The following SLC5A10 variants were observed in gnomAD, a reference collection of about 807,000 sequenced individuals.
SLC5A10 encodes the protein solute carrier family 5 member 10, also known as sodium/mannose cotransporter SLC5A10.
A neutral mutation model predicts 68.9 loss-of-function variants in SLC5A10; 55 were observed. That is an observed-to-expected ratio of 0.80 (90% CI 0.64 to 1.00). The LOEUF is 1.00. Among genes scored for constraint, SLC5A10 ranks in the 50% least tolerant of loss-of-function variants. The pLI is 0.00. For synonymous variants in SLC5A10, 344 were observed against 344.8 expected (o/e 1.00, Z 0.02); for missense variants, 732 against 819.3 (o/e 0.89, Z 1.30).
chr17:18,953,863 T>C (rs1157358333), intron 1 of SLC5A10: 1 of 152,526 alleles, frequency 6.6e-6, no homozygotes, highest in African/African-American at 2.4e-5. Flanking sequence ...TCTCCAAATC[T>C]GAAAGAGTCC....
chr17:18,966,361 C>G (rs1397161225), intron 5 of SLC5A10, among the ~76,000 whole-genome samples: 1 of 152,160 alleles, frequency 6.6e-6, no homozygotes, highest in Non-Finnish European at 1.5e-5. Flanking sequence ...CTCGGGGATG[C>G]TGTTCCCTGG....
At chr17:18,987,909 A>G (rs2043310915) in intron 9 of SLC5A10, among the ~76,000 whole-genome samples, 1 of 152,242 alleles carries the variant, frequency 6.6e-6, no homozygotes, top group Non-Finnish European at 1.5e-5. Context: ...CAGTGAGCAC[A>G]CTATCACCAG....
chr17:19,006,236 T>A (rs2043886092), intron 9 of SLC5A10, among the ~76,000 whole-genome samples: 2 of 152,160 alleles, frequency 1.3e-5, no homozygotes, highest in Non-Finnish European at 2.9e-5. Flanking sequence ...ACCAGTTTTT[T>A]GTTTGTTTTG....
intron 9 of SLC5A10, chr17:18,978,460 C>T (rs1288913823): frequency 6.2e-7 from 1 of 1,608,684 alleles, no homozygotes; most frequent in African/African-American, 1.3e-5. Flanking sequence ...TGGCCCTCTC[C>T]AGGTGAAGCA....
chr17:18,951,801 G>A (rs577337834), upstream of SLC5A10: 408 of 178,034 alleles, frequency 2.3e-3, no homozygotes, highest in Non-Finnish European at 2.6e-3. Flanking sequence ...AGGTGAGGCG[G>A]TTGTCCCTAC....
rs2044160170 is a variant in SLC5A10, at chr17:19,017,305, C to T, written c.1241+2106C>T. ...ACAGCACTGGGATACCCTCAACACC[C>T]CCAGCCCCTCAAAGCCGTCTCAGCT... On this transcript the variant is annotated intron_variant, in intron 11 of 14. Coordinates refer to ENST00000395645, the MANE Select transcript of SLC5A10 (RefSeq NM_001042450.4). This position sits in a 1 kb window ranked among gnomAD's most constrained non-coding sequence, Gnocchi z 5.6. 9 of 1,552,022 alleles carry T rather than the reference C, an allele frequency of 5.8e-6. No individual in the cohort carries two copies. The South Asian group carries it at 7.1e-5, about 12-fold the overall frequency.
At chr17:18,994,339 C>T (rs527724817) in intron 9 of SLC5A10, among the ~76,000 whole-genome samples, 9 of 152,280 alleles carry the variant, frequency 5.9e-5, no homozygotes, top group South Asian at 2.1e-4. Flanking sequence ...CAGGGAGGGG[C>T]GCCCCCGTGG....
intron 1 of SLC5A10, among the ~76,000 whole-genome samples, chr17:18,952,998 C>T (rs1018597370): frequency 6.6e-6 from 1 of 152,098 alleles, no homozygotes; most frequent in Non-Finnish European, 1.5e-5. Context: ...AAGGTGGACA[C>T]AGCCTGGTTC....
In SLC5A10 at chr17:18,969,137, C is replaced by T; in HGVS notation, c.539C>T (p.Thr180Ile). The T allele has an allele frequency of 6.2e-7, 1 of 1,614,038 alleles. No individual in the cohort carries two copies. Among genetic ancestry groups the T allele is most frequent in the Non-Finnish European group, 8.5e-7 (1 of 1,179,948 alleles). ...YLSTILTLGITALYTIAGGLA... is the reference protein window; with the variant it reads ...YLSTILTLGIIALYTIAGGLA... ...TCCACCATCCTCACGCTCGGCATCA[C>T]AGCCCTGTACACCATCGCAGGTATG... The change falls in exon 6 of 15, where the codon ACA (threonine) becomes ATA (isoleucine). Residue 180 changes from threonine (T) to isoleucine (I), a missense_variant. Transcript: ENST00000395645.
chr17:18,956,538 G>T (rs1597811230), intron 1 of SLC5A10, among the ~76,000 whole-genome samples: 1 of 142,238 alleles, frequency 7.0e-6, no homozygotes, highest in South Asian at 2.3e-4. Context: ...GGGCAGTGGC[G>T]CCATCTTGGC....
chr17:18,971,082 T>C lies in SLC5A10; in HGVS notation c.710T>C (p.Ile237Thr), dbSNP rs558112163. The C allele has an allele frequency of 2.4e-5, 38 of 1,614,072 alleles. No individual in the cohort carries two copies. The highest frequency in any genetic ancestry group is 1.6e-4 in the Middle Eastern group (1 of 6,062). ...GCCCAGGCCATTCCCTCCAGGACCATTGCCAACACCACCTGCCACCTGCCA... is the reference window on the plus strand; with the variant it reads ...GCCCAGGCCATTCCCTCCAGGACCACTGCCAACACCACCTGCCACCTGCCA... Reference protein sequence around the residue: ...AYAQAIPSRTIANTTCHLPRT... With the variant: ...AYAQAIPSRTTANTTCHLPRT... Residue 237 changes from isoleucine to threonine, a missense_variant, in exon 8 of 15, where the codon ATT becomes ACT. By Grantham distance (89) the Ile-to-Thr change is moderately conservative. Coordinates refer to ENST00000395645, the MANE Select transcript of SLC5A10 (RefSeq NM_001042450.4). This position sits in a 1 kb window ranked among gnomAD's most constrained non-coding sequence, Gnocchi z 5.5.
At chr17:18,952,120 A>G (rs968352449), upstream of SLC5A10, 13 of 1,519,268 alleles carry the variant, frequency 8.6e-6, no homozygotes, top group African/African-American at 8.3e-5. Context: ...TTAATGATCA[A>G]TGAGCTCCCT....
chr17:18,961,758 G>A (rs2042617598), intron 5 of SLC5A10, among the ~76,000 whole-genome samples: 1 of 152,130 alleles, frequency 6.6e-6, no homozygotes, highest in Non-Finnish European at 1.5e-5. Flanking sequence ...CGGGGCCCCG[G>A]TGGGGGTCTC....
At chr17:18,961,763 G>T (rs2042617710) in intron 5 of SLC5A10, among the ~76,000 whole-genome samples, 1 of 152,104 alleles carries the variant, frequency 6.6e-6, no homozygotes, top group Non-Finnish European at 1.5e-5. Flanking sequence ...CCCCGGTGGG[G>T]GTCTCATGCA....
At chr17:18,993,429 G>A (rs1013379226) in intron 9 of SLC5A10, among the ~76,000 whole-genome samples, 1 of 152,164 alleles carries the variant, frequency 6.6e-6, no homozygotes, top group African/African-American at 2.4e-5. Flanking sequence ...CGCAAGACTC[G>A]GGTAAGAGGG....
rs1486243578 is a variant in SLC5A10 at position 19,017,588 on chromosome 17, GC to G, written c.1242-1830del. On this transcript the variant is annotated intron_variant, in intron 11 of 14. Coordinates refer to ENST00000395645, the MANE Select transcript of SLC5A10 (RefSeq NM_001042450.4). The surrounding 1 kb of genome is among the most constrained non-coding windows in gnomAD (Gnocchi z 5.6). ...ACAGGCTGGGGGAGAGCGATGACCC[GC>G]CCCCACTCCCGTATGCCTGCCCCAA... The G allele has an allele frequency of 7.0e-6, 4 of 571,492 alleles. No homozygotes were observed. Among genetic ancestry groups the G allele is most frequent in the South Asian group, 6.1e-5 (3 of 48,808 alleles). The allele number at this position is 571,492 out of a possible 1,614,324, so 35.4% of individuals were successfully genotyped here.
chr17:18,963,379 T>C (rs1211252541), intron 5 of SLC5A10, among the ~76,000 whole-genome samples: 3 of 152,218 alleles, frequency 2.0e-5, no homozygotes, highest in Non-Finnish European at 2.9e-5. Context: ...AGCCAGGACG[T>C]GGCCTTTCAA....
intron 9 of SLC5A10, among the ~76,000 whole-genome samples, chr17:19,012,740 TG>T (rs983210395): frequency 7.2e-5 from 11 of 152,186 alleles, no homozygotes; most frequent in South Asian, 4.1e-4. Flanking sequence ...TGGAGAGTCC[TG>T]GGCATCAGCT....
rs560946631 is a variant in SLC5A10 at position 19,000,816 on chromosome 17, G to A, written c.983-12594G>A. ...AGAGGTGATTCATGGGGAGAGATAAGGCAGGGAGCGCTCCCAGGAAGCAGG... is the reference window on the plus strand; with the variant it reads ...AGAGGTGATTCATGGGGAGAGATAAAGCAGGGAGCGCTCCCAGGAAGCAGG... On this transcript the variant is annotated intron_variant, in intron 9 of 14. Transcript: ENST00000395645. The surrounding 1 kb of genome is among the most constrained non-coding windows in gnomAD (Gnocchi z 5.2). 2.0e-5 allele frequency among the ~76,000 whole-genome samples: 3 copies of A among 152,280 alleles called. No individual in the cohort carries two copies. Among genetic ancestry groups the A allele is most frequent in the Non-Finnish European group, 4.4e-5 (3 of 68,010 alleles).
Sources: gnomAD v4.1 joint callset for allele counts (sites outside exome capture counted in the v4.1 genomes callset) on GRCh38, gnomAD v4.1.1 for gene constraint, Gnocchi (gnomAD v3.1) non-coding constraint, MANE v1.5 for transcripts, NCBI Gene and HGNC (gene_info 2026-07-23, HGNC 2026-07-21) for gene names.